Variants in SUSD1 observed in about 807,000 individuals in gnomAD.
SUSD1 encodes the protein sushi domain-containing protein 1.
Under a neutral mutation model 86.9 loss-of-function variants are expected in SUSD1, and 65 were observed. The observed-to-expected ratio is 0.75, with a 90% confidence interval of 0.61 to 0.92. SUSD1 has a LOEUF of 0.92. Ranked by LOEUF, SUSD1 falls within the 40% of genes least tolerant of loss-of-function variation. The probability of loss-of-function intolerance (pLI) is 0.00; values close to 1 mark genes in which losing one functional copy is unlikely to be tolerated. For synonymous variants in SUSD1, 346 were observed against 350.0 expected, an observed-to-expected ratio of 0.99 and a Z score of 0.13; for missense variants, 850 against 929.7, an observed-to-expected ratio of 0.91 and a Z score of 1.11.
At chr9:112,144,961 C>T (rs755499484) in intron 3 of SUSD1, among the ~76,000 whole-genome samples, 1 of 152,120 alleles carries the variant, frequency 6.6e-6, no homozygotes, top group Non-Finnish European at 1.5e-5. Flanking sequence ...ATTCCATCAG[C>T]TGGGCATGCC....
At chr9:112,167,550 T>C (rs1346618714) in intron 1 of SUSD1, among the ~76,000 whole-genome samples, 1 of 152,234 alleles carries the variant, frequency 6.6e-6, no homozygotes, top group Non-Finnish European at 1.5e-5. Flanking sequence ...TTGTTATTAT[T>C]GTTAGAAACA....
chr9:112,090,390 T>C (rs1408404094), intron 10 of SUSD1, among the ~76,000 whole-genome samples: 1 of 152,118 alleles, frequency 6.6e-6, no homozygotes, highest in Non-Finnish European at 1.5e-5. Flanking sequence ...AAAAGCCCCA[T>C]ACCCAGATCA....
At chr9:112,122,144 G>C (rs553975702) in intron 6 of SUSD1, among the ~76,000 whole-genome samples, 6 of 152,276 alleles carry the variant, frequency 3.9e-5, no homozygotes, top group African/African-American at 1.4e-4. Flanking sequence ...ATATGGCATT[G>C]CTAGAATATG....
Position 112,078,810 on chromosome 9 carries a change from T to A in SUSD1, c.1567-86A>T, listed in dbSNP as rs375432092. The A allele has an allele frequency of 4.9e-4, 429 of 874,150 alleles. 2 individuals are homozygous for A. Among genetic ancestry groups the A allele is most frequent in the African/African-American group, 2.0e-3 (88 of 43,066 alleles). 54.1% of individuals were successfully genotyped at this position (874,150 alleles called of 1,614,324 possible). A position where few individuals can be genotyped will look rare whatever the true frequency, so the allele number is the denominator to read the frequency against. On this transcript the variant is annotated intron_variant, in intron 11 of 16. Coordinates refer to ENST00000374270, the MANE Select transcript of SUSD1 (RefSeq NM_022486.5). ...AACCTCCCCTTTTCCTTTTTCTTTC[T>A]CTTTTTTTTTTTTTTTTTTTGAGAT...
chr9:112,042,261 T>C, intron 15 of SUSD1: 1 of 1,090,994 alleles, frequency 9.2e-7, no homozygotes, highest in East Asian at 2.6e-5. Flanking sequence ...CGTGTTACAT[T>C]TTTTGTTGGT....
At chr9:112,099,651 G>A (rs1406467915) in intron 9 of SUSD1, among the ~76,000 whole-genome samples, 3 of 152,314 alleles carry the variant, frequency 2.0e-5, no homozygotes, top group East Asian at 1.9e-4. Context: ...GGTCCTATAA[G>A]TAATATGATC....
chr9:112,047,761 A>C (rs1255400747), intron 15 of SUSD1, among the ~76,000 whole-genome samples: 1 of 152,144 alleles, frequency 6.6e-6, no homozygotes, highest in Non-Finnish European at 1.5e-5. Context: ...CTGTGTCATC[A>C]CATGATCTCT....
chr9:112,085,097 C>T (rs1313987655), intron 10 of SUSD1, among the ~76,000 whole-genome samples: 1 of 152,146 alleles, frequency 6.6e-6, no homozygotes. Context: ...CTCTCAGTGT[C>T]TAGGGCAGTG....
intron 10 of SUSD1, among the ~76,000 whole-genome samples, chr9:112,084,720 T>C (rs934163259): frequency 9.2e-5 from 14 of 152,210 alleles, no homozygotes; most frequent in Admixed American, 2.6e-4. Context: ...TCCTTTGCTA[T>C]GAAAGATACG....
chr9:112,102,594 G>A (rs1050656303), intron 8 of SUSD1, among the ~76,000 whole-genome samples: 2 of 152,166 alleles, frequency 1.3e-5, no homozygotes, highest in African/African-American at 4.8e-5. Context: ...AATTAATAAA[G>A]AAAGCTGTGA....
At chr9:112,145,100 T>G (rs1213268410) in intron 3 of SUSD1, among the ~76,000 whole-genome samples, 1 of 152,044 alleles carries the variant, frequency 6.6e-6, no homozygotes. Flanking sequence ...AATACTATTT[T>G]CATCAGAGCC....
intron 3 of SUSD1, chr9:112,145,943 T>C (rs1215455652): frequency 2.0e-5 from 3 of 152,204 alleles, no homozygotes; most frequent in Admixed American, 6.6e-5. Context: ...CAGCAATTCA[T>C]TCCTCCTCTA....
intron 2 of SUSD1, among the ~76,000 whole-genome samples, chr9:112,150,380 TG>T (rs1252505884): frequency 6.6e-6 from 1 of 152,260 alleles, no homozygotes; most frequent in Non-Finnish European, 1.5e-5. Context: ...CTTATGAATT[TG>T]TAGCTTGTTT....
chr9:112,159,485 C>A (rs148010293), intron 1 of SUSD1, among the ~76,000 whole-genome samples: 5 of 152,056 alleles, frequency 3.3e-5, no homozygotes, highest in Admixed American at 6.6e-5. Context: ...GGAATATTTC[C>A]AAAACTTATT....
At chr9:112,077,641 A>G (rs1490065530) in intron 12 of SUSD1, among the ~76,000 whole-genome samples, 1 of 148,428 alleles carries the variant, frequency 6.7e-6, no homozygotes, top group African/African-American at 2.5e-5. Context: ...AGTAGCTGGG[A>G]TTACAGGCAC....
intron 12 of SUSD1, among the ~76,000 whole-genome samples, chr9:112,076,824 AG>A (rs1259258906): frequency 6.6e-6 from 1 of 152,170 alleles, no homozygotes; most frequent in Non-Finnish European, 1.5e-5. Context: ...ACTAAGGGAG[AG>A]GGGGTTTCAA....
chr9:112,107,307 G>C (rs1416200136), intron 8 of SUSD1, among the ~76,000 whole-genome samples: 1 of 142,346 alleles, frequency 7.0e-6, no homozygotes, highest in Non-Finnish European at 1.5e-5. Context: ...AAAGAGGCCA[G>C]ACGTGGTGGC....
intron 2 of SUSD1, among the ~76,000 whole-genome samples, chr9:112,151,361 C>G (rs900186237): frequency 6.6e-6 from 1 of 152,174 alleles, no homozygotes; most frequent in African/African-American, 2.4e-5. Context: ...CTTTGGGAGG[C>G]TGAGGCAGGA....
chr9:112,087,396 G>C (rs1455904275), intron 10 of SUSD1, among the ~76,000 whole-genome samples: 3 of 152,084 alleles, frequency 2.0e-5, no homozygotes, highest in African/African-American at 7.2e-5. Context: ...TGGCCAGGCT[G>C]GTCTTAACTC....
Sources: allele counts gnomAD v4.1 joint callset (sites outside exome capture counted in the v4.1 genomes callset), GRCh38; gene constraint gnomAD v4.1.1; transcripts MANE v1.5; gene names NCBI Gene and HGNC (gene_info 2026-07-23, HGNC 2026-07-21).